Variants in PHLPP1 observed in about 807,000 individuals in gnomAD.
PHLPP1 encodes PH domain leucine-rich repeat-containing protein phosphatase 1.
In PHLPP1, 42 loss-of-function variants were observed where a neutral mutation model predicts 117.2. That is an observed-to-expected ratio of 0.36 (90% CI 0.28 to 0.46). PHLPP1 has a LOEUF of 0.46. Ranked by LOEUF, PHLPP1 falls within the 20% of genes least tolerant of loss-of-function variation. The pLI, the probability that PHLPP1 is intolerant of heterozygous loss-of-function variation, is 1.00. For missense variants in PHLPP1, 2,084 were observed against 2,241.9 expected, an observed-to-expected ratio of 0.93 and a Z score of 1.42; for synonymous variants, 1,042 against 970.7, an observed-to-expected ratio of 1.07 and a Z score of -1.37.
intron 1 of PHLPP1, among the ~76,000 whole-genome samples, chr18:62,759,224 C>G (rs1316271702): frequency 3.3e-5 from 5 of 152,124 alleles, no homozygotes; most frequent in Non-Finnish European, 7.4e-5. Context: ...GAGAAGACTG[C>G]TGCAGAAAAA....
At chr18:62,920,265 C>T (rs926876217) in intron 10 of PHLPP1, among the ~76,000 whole-genome samples, 151 bp downstream of exon 10, 8 of 152,194 alleles carry the variant, frequency 5.3e-5, no homozygotes, top group Non-Finnish European at 1.2e-4. Flanking sequence ...ACTTTACTGA[C>T]CATTTTGTAG....
At chr18:62,770,937 G>C (rs1183526673) in intron 1 of PHLPP1, among the ~76,000 whole-genome samples, 2 of 152,164 alleles carry the variant, frequency 1.3e-5, no homozygotes, top group Non-Finnish European at 2.9e-5. Flanking sequence ...AGCAAAGATG[G>C]TCTGGGCGCG....
At chr18:62,880,353 A>G (rs894632987) in intron 4 of PHLPP1, among the ~76,000 whole-genome samples, 3 of 152,178 alleles carry the variant, frequency 2.0e-5, no homozygotes, top group Non-Finnish European at 2.9e-5. Flanking sequence ...TGGTAATCCA[A>G]TATCCTTGAT....
At position 62,941,934 on chromosome 18, in the gene PHLPP1, A is replaced by C. The variant is rs1316164619; in HGVS notation, c.3161+16A>C. 1 of 1,590,372 alleles carries C rather than the reference A, an allele frequency of 6.3e-7. No homozygotes were observed. Among genetic ancestry groups the C allele is most frequent in the African/African-American group, 1.3e-5 (1 of 74,506 alleles). ...TTCCAGCAAGGTAAAGGACAGTTGT[A>C]AAGCTGCGTTCTGAATTGCATTTCT... On this transcript the variant is annotated intron_variant, in intron 11 of 16. Transcript: ENST00000262719.
At chr18:62,838,082 T>A (rs1914957341) in intron 2 of PHLPP1, 2 of 151,998 alleles carry the variant, frequency 1.3e-5, no homozygotes, top group Non-Finnish European at 2.9e-5. Context: ...ATATATAAAT[T>A]TCCCTTTGTA....
At chr18:62,744,745 ATG>A (rs1351710793) in intron 1 of PHLPP1, among the ~76,000 whole-genome samples, 1 of 152,246 alleles carries the variant, frequency 6.6e-6, no homozygotes, top group Non-Finnish European at 1.5e-5. Flanking sequence ...CTCCACTGGC[ATG>A]TGTTACTGGA....
rs1029370896 is a variant in PHLPP1, at chr18:62,830,136, C to A, written c.1678C>A (p.Arg560Ser). ...MQLPVNRWTR[R>S]QVILCGTCLI... ...GTTGCCAGTGAACCGATGGACAAGA[C>A]GCCAAGTCATCCTATGTGGGACCTG... The change falls in exon 2 of 17, where the codon CGC (arginine) becomes AGC (serine). Residue 560 changes from arginine to serine, a missense_variant. This residue lies in a region of PHLPP1 where 1,365 missense variants were observed against 1,605.9 expected (regional missense o/e 0.85). Coordinates refer to ENST00000262719, the MANE Select transcript of PHLPP1 (RefSeq NM_194449.4). 3.7e-6 allele frequency: 6 copies of A among 1,610,142 alleles called. No homozygotes were observed. Among genetic ancestry groups the A allele is most frequent in the South Asian group, 1.1e-5 (1 of 90,136 alleles).
chr18:62,854,785 C>T (rs766562080), intron 3 of PHLPP1, among the ~76,000 whole-genome samples: 1 of 150,362 alleles, frequency 6.7e-6, no homozygotes, highest in Non-Finnish European at 1.5e-5. Context: ...CAATCTCCGC[C>T]TCCCAGGTTC....
rs189486823 is a variant in PHLPP1, at chr18:62,891,044, C to T, written c.2067-3967C>T. 1.6e-3 allele frequency among the ~76,000 whole-genome samples: 248 copies of T among 152,196 alleles called. 3 individuals carry two copies. The highest frequency in any genetic ancestry group is 5.7e-3 in the African/African-American group (238 of 41,516). Reference sequence around the variant, plus strand: ...AGGTTAGGGGATAGGGGAGGAAGCACCAGTTAAATTTGAATTTCATATAAA... The same window carrying T: ...AGGTTAGGGGATAGGGGAGGAAGCATCAGTTAAATTTGAATTTCATATAAA... On this transcript the variant is annotated intron_variant, in intron 4 of 16. Coordinates refer to ENST00000262719, the MANE Select transcript of PHLPP1 (RefSeq NM_194449.4).
At chr18:62,880,181 A>G (rs1420630327) in intron 4 of PHLPP1, among the ~76,000 whole-genome samples, 1 of 151,274 alleles carries the variant, frequency 6.6e-6, no homozygotes, top group Non-Finnish European at 1.5e-5. Flanking sequence ...CTTTTATTAT[A>G]CCTAGGAAAC....
intron 1 of PHLPP1, among the ~76,000 whole-genome samples, chr18:62,740,055 G>A (rs1459010032): frequency 6.9e-6 from 1 of 145,698 alleles, no homozygotes; most frequent in Admixed American, 7.4e-5. Context: ...GCCAAACTTG[G>A]TTTTACAGGT....
intron 1 of PHLPP1, among the ~76,000 whole-genome samples, chr18:62,745,647 C>T (rs1911654615): frequency 6.6e-6 from 1 of 152,056 alleles, no homozygotes; most frequent in African/African-American, 2.4e-5. Flanking sequence ...ATAGTACCAC[C>T]GTTCTGTATT....
intron 1 of PHLPP1, chr18:62,824,227 A>G (rs1415489960): frequency 1.1e-5 from 5 of 456,226 alleles, no homozygotes; most frequent in South Asian, 4.6e-5. Context: ...AGCCATTCCA[A>G]TCCTAGGTAT....
intron 16 of PHLPP1, among the ~76,000 whole-genome samples, chr18:62,976,182 C>T (rs917067933): frequency 6.6e-6 from 1 of 152,158 alleles, no homozygotes; most frequent in Non-Finnish European, 1.5e-5. Flanking sequence ...AGACATTTGG[C>T]AACATATGGA....
chr18:62,898,626 T>A (rs1310569888), intron 6 of PHLPP1, among the ~76,000 whole-genome samples: 1 of 152,152 alleles, frequency 6.6e-6, no homozygotes, highest in African/African-American at 2.4e-5. Flanking sequence ...GCCTCCAACC[T>A]GTGGTGGCAA....
intron 1 of PHLPP1, among the ~76,000 whole-genome samples, chr18:62,827,752 C>T (rs1451780783): frequency 6.6e-6 from 1 of 152,208 alleles, no homozygotes; most frequent in Non-Finnish European, 1.5e-5. Flanking sequence ...AATAAAGAGC[C>T]AGTATCTACT....
At chr18:62,727,615 CAAAA>C (rs71160863) in intron 1 of PHLPP1, among the ~76,000 whole-genome samples, 6 of 61,476 alleles carry the variant, frequency 9.8e-5, no homozygotes, top group Non-Finnish European at 9.5e-5. Flanking sequence ...GACCCTGTCT[CAAAA>C]AAAAAAAAAA....
At chr18:62,977,649 A>G in intron 16 of PHLPP1, among the ~76,000 whole-genome samples, 1 of 152,168 alleles carries the variant, frequency 6.6e-6, no homozygotes, top group East Asian at 1.9e-4. Flanking sequence ...CCACCTAGTC[A>G]AACCAAGGTT....
At chr18:62,788,977 G>A (rs544968853) in intron 1 of PHLPP1, among the ~76,000 whole-genome samples, 19 of 152,146 alleles carry the variant, frequency 1.2e-4, no homozygotes, top group African/African-American at 3.6e-4. Flanking sequence ...CCAGCTTAAC[G>A]TGCAATGGAA....
Sources: allele counts gnomAD v4.1 joint callset (sites outside exome capture counted in the v4.1 genomes callset), GRCh38; gene constraint gnomAD v4.1.1; regional missense constraint gnomAD v4.1.1; transcripts MANE v1.5; gene names NCBI Gene and HGNC (gene_info 2026-07-23, HGNC 2026-07-21).